Variants in LUZP2 observed in about 807,000 individuals in gnomAD.
The protein encoded by LUZP2 is leucine zipper protein 2.
In LUZP2, 52 loss-of-function variants were observed where a neutral mutation model predicts 51.6. That is an observed-to-expected ratio of 1.01 (90% CI 0.81 to 1.27). LUZP2 has a LOEUF of 1.27. Ranked by LOEUF, LUZP2 falls within the 50% of genes most tolerant of loss-of-function variation. The pLI is 0.00. For missense variants in LUZP2, 436 were observed against 395.4 expected, an observed-to-expected ratio of 1.10 and a Z score of -0.87; for synonymous variants, 154 against 137.3, an observed-to-expected ratio of 1.12 and a Z score of -0.85.
intron 5 of LUZP2, among the ~76,000 whole-genome samples, chr11:24,814,480 A>G (rs1194123788): frequency 1.3e-5 from 2 of 152,188 alleles, no homozygotes; most frequent in African/African-American, 2.4e-5. Flanking sequence ...TGATATATGT[A>G]AATGCTTTCT....
At chr11:24,965,388 C>T (rs1304453349) in intron 7 of LUZP2, among the ~76,000 whole-genome samples, 2 of 151,310 alleles carry the variant, frequency 1.3e-5, no homozygotes, top group Non-Finnish European at 3.0e-5. Context: ...GGCCTTGATT[C>T]ATATTCAAAG....
chr11:24,914,526 T>C lies in LUZP2; in HGVS notation c.510T>C (p.Asp170=), dbSNP rs754974902. ...AGGAGCTTCGTTATGGGAAGAAGGA[T>C]TTATTATTTAAGGTGAGTCTCTTTT... ...QLKELRYGKK[D]LLFKAQQLTD... The change falls in exon 7 of 12, where the codon GAT becomes GAC. Residue 170 remains aspartate, a synonymous_variant. Coordinates refer to ENST00000336930, the MANE Select transcript of LUZP2 (RefSeq NM_001009909.4). 2.3e-5 allele frequency: 37 copies of C among 1,607,746 alleles called. No individual in the cohort carries two copies. In the South Asian group the frequency reaches 3.7e-4, roughly 16 times the overall value.
At chr11:24,696,620 G>A (rs564991322) in intron 1 of LUZP2, among the ~76,000 whole-genome samples, 1 of 151,966 alleles carries the variant, frequency 6.6e-6, no homozygotes, top group East Asian at 1.9e-4. Flanking sequence ...TCTTGACTCT[G>A]GTAGGGGATT....
intron 1 of LUZP2, among the ~76,000 whole-genome samples, chr11:24,664,994 T>C (rs1352058556): frequency 6.6e-6 from 1 of 152,124 alleles, no homozygotes; most frequent in Non-Finnish European, 1.5e-5. Context: ...CCCAGAATGG[T>C]ACATCCACTG....
At chr11:24,650,770 T>C (rs1855601982) in intron 1 of LUZP2, among the ~76,000 whole-genome samples, 1 of 152,080 alleles carries the variant, frequency 6.6e-6, no homozygotes, top group Non-Finnish European at 1.5e-5. Flanking sequence ...ATTTCTGTTC[T>C]TGAGGAGGCT....
intron 4 of LUZP2, among the ~76,000 whole-genome samples, chr11:24,758,994 A>T (rs35270801): frequency 6.6e-6 from 1 of 152,056 alleles, no homozygotes; most frequent in African/African-American, 2.4e-5. Context: ...CTGTTTAAAA[A>T]TACTCTTTAT....
At chr11:24,717,175 C>T (rs1009826619) in intron 1 of LUZP2, among the ~76,000 whole-genome samples, 1 of 151,998 alleles carries the variant, frequency 6.6e-6, no homozygotes, top group Non-Finnish European at 1.5e-5. Context: ...GAATTCTAGG[C>T]TGATGTAACC....
intron 1 of LUZP2, among the ~76,000 whole-genome samples, chr11:24,609,634 G>A (rs1311770436): frequency 4.1e-5 from 6 of 147,754 alleles, no homozygotes; most frequent in African/African-American, 1.5e-4. Flanking sequence ...GAAGGCTGAG[G>A]CACAAGAATC....
chr11:25,072,096 CT>C (rs1415811196), intron 10 of LUZP2, among the ~76,000 whole-genome samples: 1 of 152,032 alleles, frequency 6.6e-6, no homozygotes, highest in Non-Finnish European at 1.5e-5. Flanking sequence ...TATTGCAGAA[CT>C]TCCCCTGATA....
At chr11:24,689,312 G>A (rs1262744380) in intron 1 of LUZP2, among the ~76,000 whole-genome samples, 1 of 152,176 alleles carries the variant, frequency 6.6e-6, no homozygotes, top group African/African-American at 2.4e-5. Context: ...AGCATGCACA[G>A]TGTATTTACT....
At position 25,067,825 on chromosome 11, in the gene LUZP2, G is replaced by A. The variant is rs118103816; in HGVS notation, c.859-9504G>A. 7.1e-3 allele frequency among the ~76,000 whole-genome samples: 1,079 copies of A among 151,704 alleles called. 35 individuals are homozygous for A. The East Asian group carries it at 0.1, about 14-fold the overall frequency. ...CCAGCAGTCCCATTACTATGTACCCGAAGGATTATAAATCATTCTACTATA... is the reference window on the plus strand; with the variant it reads ...CCAGCAGTCCCATTACTATGTACCCAAAGGATTATAAATCATTCTACTATA... On this transcript the variant is annotated intron_variant, in intron 10 of 11. Transcript: ENST00000336930.
Position 24,919,645 on chromosome 11 carries a change from G to A in LUZP2, c.522+5107G>A, listed in dbSNP as rs78203414. Among the ~76,000 whole-genome samples, 625 of 146,892 alleles carry A rather than the reference G, an allele frequency of 4.3e-3. 3 individuals carry two copies. Among genetic ancestry groups the A allele is most frequent in the African/African-American group, 0.015 (594 of 40,040 alleles). On this transcript the variant is annotated intron_variant, in intron 7 of 11. Coordinates refer to ENST00000336930, the MANE Select transcript of LUZP2 (RefSeq NM_001009909.4). ...TTACTTAACCTTTCACTTATGTGTA[G>A]GTATGTTTATACATGCATACATATA...
At chr11:24,626,282 T>C (rs913472168) in intron 1 of LUZP2, among the ~76,000 whole-genome samples, 1 of 152,130 alleles carries the variant, frequency 6.6e-6, no homozygotes, top group South Asian at 2.1e-4. Flanking sequence ...GAGCCTATAT[T>C]GTCTCAATTG....
chr11:24,833,059 G>A (rs1439295187), intron 5 of LUZP2, among the ~76,000 whole-genome samples: 1 of 152,030 alleles, frequency 6.6e-6, no homozygotes, highest in African/African-American at 2.4e-5. Flanking sequence ...TTGATGAAGG[G>A]GTTTCCTGAA....
intron 1 of LUZP2, among the ~76,000 whole-genome samples, chr11:24,708,190 C>A (rs904807316): frequency 7.9e-5 from 12 of 152,146 alleles, no homozygotes; most frequent in Non-Finnish European, 1.0e-4. Context: ...CATATTAATT[C>A]TTTGAAAAGA....
chr11:24,523,013 A>G (rs1213939245), intron 1 of LUZP2, among the ~76,000 whole-genome samples: 3 of 151,988 alleles, frequency 2.0e-5, no homozygotes, highest in Non-Finnish European at 4.4e-5. Flanking sequence ...CTCTCCATGA[A>G]TTCACATTTG....
chr11:25,015,332 A>T (rs979249083), intron 9 of LUZP2, among the ~76,000 whole-genome samples: 12 of 152,196 alleles, frequency 7.9e-5, no homozygotes, highest in Non-Finnish European at 1.2e-4. Context: ...TTATATAATC[A>T]TGCTACATAT....
At chr11:24,656,780 T>C (rs532564472) in intron 1 of LUZP2, among the ~76,000 whole-genome samples, 135 of 152,320 alleles carry the variant, frequency 8.9e-4, no homozygotes, top group African/African-American at 3.2e-3. Flanking sequence ...AAGTCCGCTT[T>C]GCGCTCCGAG....
chr11:24,583,258 A>G (rs1424118134), intron 1 of LUZP2, among the ~76,000 whole-genome samples: 2 of 152,064 alleles, frequency 1.3e-5, no homozygotes, highest in African/African-American at 4.8e-5. Flanking sequence ...AACTTATTTT[A>G]GTGTTCAAAC....
Sources: gnomAD v4.1 joint callset for allele counts (sites outside exome capture counted in the v4.1 genomes callset) on GRCh38, gnomAD v4.1.1 for gene constraint, MANE v1.5 for transcripts, NCBI Gene and HGNC (gene_info 2026-07-23, HGNC 2026-07-21) for gene names.